The following UBE2Q2 variants were observed in gnomAD, a reference collection of about 807,000 sequenced individuals.
UBE2Q2 encodes ubiquitin-conjugating enzyme E2 Q2.
In UBE2Q2, 54 loss-of-function variants were observed where a neutral mutation model predicts 59.9. That is an observed-to-expected ratio of 0.90 (90% CI 0.72 to 1.13). The LOEUF (loss-of-function observed/expected upper bound fraction) is 1.13, where lower values mean the gene tolerates loss of function less well. Among genes scored for constraint, UBE2Q2 ranks in the 50% most tolerant of loss-of-function variants. The pLI, the probability that UBE2Q2 is intolerant of heterozygous loss-of-function variation, is 0.00. For missense variants in UBE2Q2, 433 were observed against 441.9 expected, an observed-to-expected ratio of 0.98 and a Z score of 0.18; for synonymous variants, 165 against 155.2, an observed-to-expected ratio of 1.06 and a Z score of -0.47.
intron 1 of UBE2Q2, among the ~76,000 whole-genome samples, chr15:75,854,035 A>G (rs1896774927): frequency 6.6e-6 from 1 of 152,170 alleles, no homozygotes; most frequent in Non-Finnish European, 1.5e-5. Context: ...AAGTGATGTT[A>G]TTACTTTTGC....
chr15:75,880,549 TG>T (rs1226127462), intron 8 of UBE2Q2, among the ~76,000 whole-genome samples: 3 of 151,994 alleles, frequency 2.0e-5, no homozygotes, highest in African/African-American at 7.3e-5. Flanking sequence ...TGGCCCAGGC[TG>T]GCGTGTGGTG....
chr15:75,848,195 G>A (rs908581491), intron 1 of UBE2Q2, among the ~76,000 whole-genome samples: 1 of 152,166 alleles, frequency 6.6e-6, no homozygotes, highest in Non-Finnish European at 1.5e-5. Context: ...ATATAAAAGC[G>A]ATGGTGTCAT....
At chr15:75,881,190 G>A (rs2441930) in intron 8 of UBE2Q2, among the ~76,000 whole-genome samples, 114,448 of 151,910 alleles carry the variant, frequency 0.75, 43,616 homozygotes, top group African/African-American at 0.86. Flanking sequence ...TTAAAAAATT[G>A]AATTATATGT....
In UBE2Q2 at chr15:75,859,642, T is replaced by C. The variant is rs1172616019; in HGVS notation, c.283-236T>C. ...CTGGAACTTCCTTCCTCTGCCCTTA[T>C]TGTTGTCATTCTGCTAGGTATCAGT... On this transcript the variant is annotated intron_variant, in intron 2 of 12. Coordinates refer to ENST00000267938, the MANE Select transcript of UBE2Q2 (RefSeq NM_173469.4). Among the ~76,000 whole-genome samples the C allele has an allele frequency of 4.6e-5, 7 of 152,330 alleles. No homozygotes were observed. In the East Asian group the frequency reaches 9.6e-4, roughly 21 times the overall value.
intron 1 of UBE2Q2, among the ~76,000 whole-genome samples, chr15:75,845,594 G>GT (rs141815136): frequency 0.012 from 1,838 of 152,280 alleles, 32 homozygotes; most frequent in African/African-American, 0.041. Flanking sequence ...TTGGGAGAAT[G>GT]TATCTTTCAT....
In UBE2Q2 at chr15:75,880,001, C is replaced by T. The variant is rs574092858; in HGVS notation, c.825+813C>T. Among the ~76,000 whole-genome samples the T allele has an allele frequency of 1.8e-4, 28 of 151,904 alleles. No homozygotes were observed. In the South Asian group the frequency reaches 5.6e-3, roughly 31 times the overall value. On this transcript the variant is annotated intron_variant, in intron 8 of 12. Transcript: ENST00000267938. ...ATACTGGCTGGAATATATTTCTGGG[C>T]CAGGTTGATGGTTACATGAGCACAT... is the stretch of plus-strand genomic sequence containing the variant.
At chr15:75,863,803 C>T (rs552959765) in intron 3 of UBE2Q2, among the ~76,000 whole-genome samples, 43 of 152,198 alleles carry the variant, frequency 2.8e-4, no homozygotes, top group Middle Eastern at 3.4e-3. Context: ...CCACCACGCT[C>T]GGCTAATTTT....
chr15:75,867,962 A>G (rs555658095), intron 3 of UBE2Q2, among the ~76,000 whole-genome samples: 10 of 152,178 alleles, frequency 6.6e-5, no homozygotes, highest in Admixed American at 3.9e-4. Flanking sequence ...TTAGAAGACA[A>G]TGTGTCTAAA....
chr15:75,850,567 G>A (rs776447570), intron 1 of UBE2Q2, among the ~76,000 whole-genome samples: 1 of 152,186 alleles, frequency 6.6e-6, no homozygotes, highest in Non-Finnish European at 1.5e-5. Flanking sequence ...AATGGGGTGG[G>A]CTGGTAGAGT....
At chr15:75,894,144 CA>C in intron 11 of UBE2Q2, among the ~76,000 whole-genome samples, 1 of 152,226 alleles carries the variant, frequency 6.6e-6, no homozygotes, top group African/African-American at 2.4e-5. Context: ...TAGAGAATAG[CA>C]ATAATGCAAT....
At chr15:75,892,290 G>T (rs974226830) in intron 11 of UBE2Q2, among the ~76,000 whole-genome samples, 1 of 152,122 alleles carries the variant, frequency 6.6e-6, no homozygotes, top group Non-Finnish European at 1.5e-5. Flanking sequence ...AAGATTAAAA[G>T]AATTCACTCA....
chr15:75,869,090 GACT>G (rs1897654524), intron 4 of UBE2Q2, 80 bp downstream of exon 4: 1 of 1,185,212 alleles, frequency 8.4e-7, no homozygotes, highest in South Asian at 1.4e-5. Context: ...CTTTTTTATA[GACT>G]ACTATTAATG....
intron 2 of UBE2Q2, among the ~76,000 whole-genome samples, chr15:75,859,375 G>C (rs924968902): frequency 6.6e-6 from 1 of 151,954 alleles, no homozygotes; most frequent in African/African-American, 2.4e-5. Context: ...GGATATCCAA[G>C]GTCATCTAGA....
chr15:75,864,939 C>G (rs746804293), intron 3 of UBE2Q2, among the ~76,000 whole-genome samples: 2 of 152,176 alleles, frequency 1.3e-5, no homozygotes, highest in Non-Finnish European at 2.9e-5. Context: ...GTTTATTGCA[C>G]AAGTTTTAAA....
At chr15:75,872,684 T>C (rs1371448855) in intron 4 of UBE2Q2, among the ~76,000 whole-genome samples, 2 of 151,890 alleles carry the variant, frequency 1.3e-5, no homozygotes, top group African/African-American at 4.8e-5. Flanking sequence ...TAAAATTCTT[T>C]TTCTAACTTT....
At chr15:75,865,901 ACT>A (rs1897448200) in intron 3 of UBE2Q2, among the ~76,000 whole-genome samples, 1 of 151,170 alleles carries the variant, frequency 6.6e-6, no homozygotes, top group Admixed American at 6.6e-5. Context: ...CAAATATCTG[ACT>A]CTGTATAAAG....
intron 1 of UBE2Q2, among the ~76,000 whole-genome samples, chr15:75,852,283 C>G (rs1254575764): frequency 6.6e-6 from 1 of 152,128 alleles, no homozygotes; most frequent in Non-Finnish European, 1.5e-5. Context: ...TTGGTGTTAC[C>G]GCCTTTATTT....
intron 5 of UBE2Q2, among the ~76,000 whole-genome samples, chr15:75,875,978 ATC>A (rs1453884066): frequency 6.7e-6 from 1 of 149,792 alleles, no homozygotes; most frequent in Non-Finnish European, 1.5e-5. Flanking sequence ...AGGCAGGAGA[ATC>A]TCTTGAGCAG....
At chr15:75,890,372 T>A in intron 9 of UBE2Q2, 63 bp from the exon 10 acceptor site, 1 of 1,343,074 alleles carries the variant, frequency 7.4e-7, no homozygotes, top group Non-Finnish European at 1.0e-6. Context: ...TAATGGCACT[T>A]AGAAATTGTT....
Sources: gnomAD v4.1 joint callset for allele counts (sites outside exome capture counted in the v4.1 genomes callset) on GRCh38, gnomAD v4.1.1 for gene constraint, MANE v1.5 for transcripts, NCBI Gene and HGNC (gene_info 2026-07-23, HGNC 2026-07-21) for gene names.